LRP6: variants seen among roughly 807,000 people sequenced by gnomAD.
LRP6 encodes the protein low-density lipoprotein receptor-related protein 6.
In LRP6, 43 loss-of-function variants were observed where a neutral mutation model predicts 184.1. That is an observed-to-expected ratio of 0.23 (90% confidence interval 0.18 to 0.30). The LOEUF is 0.30. Among genes scored for constraint, LRP6 ranks in the 10% least tolerant of loss-of-function variants. LRP6 has a pLI of 1.00. For synonymous variants in LRP6, 719 were observed against 684.9 expected (o/e 1.05, Z -0.78); for missense variants, 1,571 against 2,005.3 (o/e 0.78, Z 4.14).
chr12:12,243,604 T>C (rs908795843), intron 2 of LRP6, among the ~76,000 whole-genome samples: 3 of 152,028 alleles, frequency 2.0e-5, no homozygotes, highest in Admixed American at 1.3e-4. Context: ...CCCAAAACGA[T>C]TTACAGAAAC....
intron 12 of LRP6, among the ~76,000 whole-genome samples, chr12:12,156,562 T>C (rs1203733539): frequency 1.3e-5 from 2 of 152,236 alleles, no homozygotes; most frequent in African/African-American, 4.8e-5. Context: ...GATGTCTATA[T>C]ATGTCACTAT....
intron 10 of LRP6, among the ~76,000 whole-genome samples, chr12:12,160,461 C>T (rs1862712149): frequency 6.6e-6 from 1 of 152,128 alleles, no homozygotes; most frequent in African/African-American, 2.4e-5. Flanking sequence ...ATTATAAATA[C>T]TAAGCCTTTA....
intron 3 of LRP6, among the ~76,000 whole-genome samples, chr12:12,199,990 A>C (rs985569956): frequency 6.7e-6 from 1 of 149,770 alleles, no homozygotes; most frequent in African/African-American, 2.5e-5. Context: ...AAAAAAAAAA[A>C]AAAAACACAA....
At chr12:12,250,483 CT>C (rs58190351) in intron 1 of LRP6, among the ~76,000 whole-genome samples, 20,006 of 145,586 alleles carry the variant, frequency 0.14, 1,696 homozygotes, top group African/African-American at 0.25. Flanking sequence ...ATGATATTAG[CT>C]TTTTTTTTTT....
Position 12,184,032 on chromosome 12 carries a change from A to G in LRP6, c.924T>C (p.Cys308=), listed in dbSNP as rs7978064. 160,859 of 1,612,258 alleles carry G rather than the reference A, an allele frequency of 0.1. 10,130 individuals are homozygous for G. The highest frequency in any genetic ancestry group is 0.3 in the African/African-American group (22,178 of 74,932). The change falls in exon 5 of 23, where the codon TGT becomes TGC. Residue 308 remains cysteine (C), a synonymous_variant. Coordinates refer to ENST00000261349, the MANE Select transcript of LRP6 (RefSeq NM_002336.3). ...LMSPVKPFYQ[C]ACPTGVKLLE... ...GGAGTTTGACCCCAGTGGGGCAAGC[A>G]CACTGATAAAAAGGCTTGACTGGAG... is the stretch of plus-strand genomic sequence containing the variant.
chr12:12,161,638 A>G (rs1862744292), intron 10 of LRP6, among the ~76,000 whole-genome samples: 1 of 152,188 alleles, frequency 6.6e-6, no homozygotes. Flanking sequence ...GCTTTAAAAA[A>G]TTTGCTGACT....
At chr12:12,222,728 CCAAT>C (rs1438338864) in intron 2 of LRP6, among the ~76,000 whole-genome samples, 1 of 152,034 alleles carries the variant, frequency 6.6e-6, no homozygotes, top group Non-Finnish European at 1.5e-5. Context: ...GGTCCATGAA[CCAAT>C]CAAGCTCCAT....
chr12:12,124,519 C>T, intron 22 of LRP6, 46 bp downstream of exon 22: 1 of 1,391,202 alleles, frequency 7.2e-7, no homozygotes. Flanking sequence ...AACTGAAACA[C>T]TTTCAATAAA....
At chr12:12,235,661 T>G (rs1864913322) in intron 2 of LRP6, among the ~76,000 whole-genome samples, 1 of 142,342 alleles carries the variant, frequency 7.0e-6, no homozygotes, top group African/African-American at 2.6e-5. Flanking sequence ...ACCCGGGAGG[T>G]GGAGGTTGCA....
chr12:12,257,160 T>A (rs1250519547), intron 1 of LRP6, among the ~76,000 whole-genome samples: 1 of 152,148 alleles, frequency 6.6e-6, no homozygotes, highest in Non-Finnish European at 1.5e-5. Context: ...TGATAAGCGT[T>A]CTGGAATGAG....
intron 18 of LRP6, among the ~76,000 whole-genome samples, chr12:12,131,593 T>A (rs1949758628): frequency 6.6e-6 from 1 of 152,232 alleles, no homozygotes; most frequent in African/African-American, 2.4e-5. Flanking sequence ...GAAGGCCTAA[T>A]ATATTTTAGT....
intron 3 of LRP6, among the ~76,000 whole-genome samples, chr12:12,202,425 C>A (rs1482922981): frequency 1.3e-5 from 2 of 152,180 alleles, no homozygotes; most frequent in African/African-American, 4.8e-5. Context: ...TGCCTATAGT[C>A]CCAGCTACTC....
intron 1 of LRP6, among the ~76,000 whole-genome samples, chr12:12,257,393 C>G (rs967750273): frequency 1.3e-5 from 2 of 151,520 alleles, no homozygotes; most frequent in Non-Finnish European, 2.9e-5. Flanking sequence ...CTGGCTAACA[C>G]GGTAAAACCC....
intron 1 of LRP6, among the ~76,000 whole-genome samples, chr12:12,251,708 C>T (rs1426243408): frequency 2.6e-5 from 4 of 152,098 alleles, no homozygotes; most frequent in Non-Finnish European, 5.9e-5. Flanking sequence ...AAAGGTTTTC[C>T]TTTGCCTTCT....
At chr12:12,138,126 G>A (rs1317552621) in intron 16 of LRP6, among the ~76,000 whole-genome samples, 199 bp downstream of exon 16, 6 of 151,528 alleles carry the variant, frequency 4.0e-5, no homozygotes, top group African/African-American at 9.7e-5. Context: ...AGCCAAGATC[G>A]TGACACTGCA....
At chr12:12,183,524 T>C (rs1863395025) in intron 5 of LRP6, among the ~76,000 whole-genome samples, 1 of 152,198 alleles carries the variant, frequency 6.6e-6, no homozygotes, top group African/African-American at 2.4e-5. Flanking sequence ...AAAGCATCTC[T>C]CTGTTGTTAA....
In LRP6 at chr12:12,181,247, T is replaced by C; in HGVS notation, c.1169A>G (p.Asp390Gly). The change falls in exon 6 of 23, where the codon GAT (aspartate) becomes GGT (glycine). Residue 390 changes from aspartate (D) to glycine (G), a missense_variant. Around this residue, in one of 4 missense-constraint regions of LRP6, gnomAD observed 640 missense variants for 851.9 expected, o/e 0.75. Transcript: ENST00000261349. ...EVRAIRRSFI[D>G]GSGSQFVVTA... Reference sequence around the variant, plus strand: ...GACCACAAACTGACTGCCAGATCCATCTATAAATGAACGGCGTATGGCCCT... The same window carrying C: ...GACCACAAACTGACTGCCAGATCCACCTATAAATGAACGGCGTATGGCCCT... The C allele has an allele frequency of 3.1e-6, 5 of 1,614,150 alleles. No individual in the cohort carries two copies. The highest frequency in any genetic ancestry group is 2.2e-5 in the East Asian group (1 of 44,886).
At chr12:12,202,430 C>G (rs1256588353) in intron 3 of LRP6, among the ~76,000 whole-genome samples, 5 of 152,180 alleles carry the variant, frequency 3.3e-5, no homozygotes, top group African/African-American at 1.2e-4. Context: ...ATAGTCCCAG[C>G]TACTCGGAAG....
intron 2 of LRP6, among the ~76,000 whole-genome samples, chr12:12,213,677 T>TAC (rs1864268507): frequency 6.6e-6 from 1 of 152,142 alleles, no homozygotes; most frequent in African/African-American, 2.4e-5. Flanking sequence ...TGACATGAGA[T>TAC]ACTGATATAA....
Sources: allele counts gnomAD v4.1 joint callset (sites outside exome capture counted in the v4.1 genomes callset), GRCh38; gene constraint gnomAD v4.1.1; regional missense constraint gnomAD v4.1.1; transcripts MANE v1.5; gene names NCBI Gene and HGNC (gene_info 2026-07-23, HGNC 2026-07-21).